IGSF5: variants seen among roughly 807,000 people sequenced by gnomAD.
IGSF5 encodes the protein immunoglobulin superfamily member 5, also known as immunoglobulin superfamily 5 like.
IGSF5 carries 41 observed loss-of-function variants against 39.4 expected under a neutral mutation model. That is an observed-to-expected ratio of 1.04 (90% CI 0.81 to 1.35). IGSF5 has a LOEUF of 1.35. Ranked by LOEUF, IGSF5 falls within the 40% of genes most tolerant of loss-of-function variation. IGSF5 has a pLI of 0.00. For missense variants in IGSF5, 487 were observed against 494.6 expected, an observed-to-expected ratio of 0.98 and a Z score of 0.15; for synonymous variants, 183 against 175.3, an observed-to-expected ratio of 1.04 and a Z score of -0.34.
chr21:39,794,023 C>G (rs909005579), intron 8 of IGSF5, among the ~76,000 whole-genome samples: 10 of 152,160 alleles, frequency 6.6e-5, no homozygotes, highest in African/African-American at 2.4e-4. Context: ...TACTTGGACC[C>G]TTGGGGCCTT....
the IGSF5 span, among the ~76,000 whole-genome samples, chr21:39,717,306 G>C: frequency 8.3e-4 from 126 of 152,238 alleles, 1 homozygote; most frequent in East Asian, 0.015. Context: ...TGTTTACTCT[G>C]TTGATAGTTT....
chr21:39,740,328 C>A (rs758786768), upstream of IGSF5, among the ~76,000 whole-genome samples: 8 of 152,148 alleles, frequency 5.3e-5, no homozygotes, highest in Non-Finnish European at 1.0e-4. Flanking sequence ...TGTAAGACTG[C>A]CACCTCTTTA....
chr21:39,746,507 GGGGTGGCATATCCTAATCCCTTTCA>G (rs2079975638), intron 2 of IGSF5, among the ~76,000 whole-genome samples: 1 of 152,130 alleles, frequency 6.6e-6, no homozygotes, highest in Admixed American at 6.5e-5. Flanking sequence ...GGCTTATTTT[GGGGTGGCATATCCTAATCCCTTTCA>G]GCATAGAGGT....
intron 2 of IGSF5, chr21:39,751,339 A>G (rs1000015283): frequency 3.3e-5 from 5 of 151,846 alleles, no homozygotes; most frequent in African/African-American, 1.2e-4. Flanking sequence ...GGGTAAGACA[A>G]CTCCAGTTTG....
intron 2 of IGSF5, among the ~76,000 whole-genome samples, chr21:39,755,091 G>A (rs548654416): frequency 2.0e-5 from 3 of 152,222 alleles, no homozygotes; most frequent in South Asian, 2.1e-4. Flanking sequence ...CCTGCTTGTC[G>A]GGGACTAGAA....
chr21:39,740,456 T>A (rs2079943766), upstream of IGSF5, among the ~76,000 whole-genome samples: 1 of 152,220 alleles, frequency 6.6e-6, no homozygotes, highest in Non-Finnish European at 1.5e-5. Context: ...GAGGACTAGG[T>A]AAGCATACTT....
At chr21:39,788,884 T>G (rs2086942429) in intron 6 of IGSF5, among the ~76,000 whole-genome samples, 1 of 152,206 alleles carries the variant, frequency 6.6e-6, no homozygotes, top group Non-Finnish European at 1.5e-5. Flanking sequence ...TATCAGTATT[T>G]TATTAGAATA....
chr21:39,747,835 A>G (rs556202711), intron 2 of IGSF5, among the ~76,000 whole-genome samples: 16 of 152,160 alleles, frequency 1.1e-4, no homozygotes, highest in African/African-American at 3.9e-4. Flanking sequence ...TAAATGTGTG[A>G]TATTTTCAGC....
At position 39,798,803 on chromosome 21, in the gene IGSF5, C is replaced by T. The variant is rs2087012323; in HGVS notation, c.1129-2459C>T. Among the ~76,000 whole-genome samples the T allele has an allele frequency of 2.0e-5, 3 of 152,350 alleles. No homozygotes were observed. The South Asian group carries it at 6.2e-4, about 32-fold the overall frequency. On this transcript the variant is annotated intron_variant, in intron 8 of 8. Transcript: ENST00000380588. ...GTTAAGGTCCAGCATGCCAAAGGCA[C>T]ACACTGCCACGGAGATGAGCAAGAC...
At chr21:39,784,379 G>A (rs1334252330) in intron 5 of IGSF5, among the ~76,000 whole-genome samples, 3 of 152,138 alleles carry the variant, frequency 2.0e-5, no homozygotes, top group Admixed American at 2.0e-4. Context: ...TTCAGCTTTT[G>A]TCTGTTCTAT....
At chr21:39,743,602 G>A (rs1022112995), upstream of IGSF5, among the ~76,000 whole-genome samples, 1 of 137,844 alleles carries the variant, frequency 7.3e-6, no homozygotes. Flanking sequence ...GGGCTGAAGA[G>A]GGGGTTCTTA....
At chr21:39,751,791 A>G (rs533331904) in intron 2 of IGSF5, among the ~76,000 whole-genome samples, 1 of 152,322 alleles carries the variant, frequency 6.6e-6, no homozygotes, top group South Asian at 2.1e-4. Flanking sequence ...ACAAGCTTGT[A>G]AATGCCTTTT....
chr21:39,801,400 C>T lies in IGSF5; in HGVS notation c.*43C>T, dbSNP rs1488385218. The T allele has an allele frequency of 2.2e-6, 3 of 1,387,128 alleles. No individual in the cohort carries two copies. The highest frequency in any genetic ancestry group is 3.1e-6 in the Non-Finnish European group (3 of 976,378). The allele number at this position is 1,387,128 out of a possible 1,614,324, so 85.9% of individuals were successfully genotyped here. On this transcript the variant is annotated 3_prime_UTR_variant, in exon 9 of 9. Transcript: ENST00000380588. Reference sequence around the variant, plus strand: ...TCCACTGAGCACTTGGCTGACAATTCAAAACACGGCGATGGCATCCTTCCT... The same window carrying T: ...TCCACTGAGCACTTGGCTGACAATTTAAAACACGGCGATGGCATCCTTCCT...
At chr21:39,760,478 G>T (rs535107619) in intron 2 of IGSF5, among the ~76,000 whole-genome samples, 1 of 152,198 alleles carries the variant, frequency 6.6e-6, no homozygotes, top group African/African-American at 2.4e-5. Flanking sequence ...GCCAGAAAGA[G>T]TTGATGAGGT....
chr21:39,745,986 C>T (rs985001420), intron 1 of IGSF5, among the ~76,000 whole-genome samples: 4 of 152,142 alleles, frequency 2.6e-5, no homozygotes, highest in Admixed American at 6.5e-5. Context: ...CGGCAAGCCT[C>T]GTGTTCTCTG....
intron 2 of IGSF5, among the ~76,000 whole-genome samples, chr21:39,760,526 G>A (rs2080055875): frequency 6.6e-6 from 1 of 151,948 alleles, no homozygotes; most frequent in Non-Finnish European, 1.5e-5. Flanking sequence ...GGAGGGTGAA[G>A]TTTGGGAAAA....
upstream of IGSF5, among the ~76,000 whole-genome samples, chr21:39,741,087 A>C (rs372072881): frequency 1.5e-4 from 22 of 151,486 alleles, 1 homozygote; most frequent in African/African-American, 5.3e-4. Context: ...AGAGCTATTC[A>C]TGTTTTTTTT....
the IGSF5 span, among the ~76,000 whole-genome samples, chr21:39,719,897 T>C: frequency 6.6e-6 from 1 of 152,232 alleles, no homozygotes; most frequent in African/African-American, 2.4e-5. Flanking sequence ...GTTATTCTCA[T>C]AGTCACGAAG....
the IGSF5 span, among the ~76,000 whole-genome samples, chr21:39,736,054 C>T: frequency 2.6e-5 from 4 of 152,196 alleles, no homozygotes; most frequent in African/African-American, 9.6e-5. Context: ...CTCACTCTCA[C>T]TTCCTTGCAT....
Sources: gnomAD v4.1 joint callset for allele counts (sites outside exome capture counted in the v4.1 genomes callset) on GRCh38, gnomAD v4.1.1 for gene constraint, MANE v1.5 for transcripts, NCBI Gene and HGNC (gene_info 2026-07-23, HGNC 2026-07-21) for gene names.